The following DLGAP2 variants were observed in gnomAD, a reference collection of about 807,000 sequenced individuals.
DLGAP2 encodes DLG associated protein 2, also known as disks large-associated protein 2.
A neutral mutation model predicts 100.3 loss-of-function variants in DLGAP2; 26 were observed. That is an observed-to-expected ratio of 0.26 (90% confidence interval 0.19 to 0.36). DLGAP2 has a LOEUF of 0.36. Among genes scored for constraint, DLGAP2 ranks in the 10% least tolerant of loss-of-function variants. DLGAP2 has a pLI of 1.00. For missense variants in DLGAP2, 1,858 were observed against 1,453.2 expected (o/e 1.28, Z -4.53); for synonymous variants, 886 against 630.1 (o/e 1.41, Z -6.08).
intron 3 of DLGAP2, among the ~76,000 whole-genome samples, chr8:1,392,280 G>A (rs1796380177): frequency 6.6e-6 from 1 of 152,120 alleles, no homozygotes; most frequent in Admixed American, 6.5e-5. Context: ...CCAGGTCGAG[G>A]CGCAGTCCAG....
At chr8:1,553,685 A>T (rs575184881) in intron 5 of DLGAP2, among the ~76,000 whole-genome samples, 1 of 152,274 alleles carries the variant, frequency 6.6e-6, no homozygotes, top group African/African-American at 2.4e-5. Flanking sequence ...CGGTCCCATC[A>T]CTGAGTACTG....
chr8:1,099,485 G>C (rs1804508265), intron 2 of DLGAP2, among the ~76,000 whole-genome samples: 1 of 152,232 alleles, frequency 6.6e-6, no homozygotes, highest in African/African-American at 2.4e-5. Context: ...GCCGACCTCA[G>C]CCCTCAGGGA....
At chr8:1,465,693 C>T (rs1380309785) in intron 3 of DLGAP2, among the ~76,000 whole-genome samples, 1 of 152,222 alleles carries the variant, frequency 6.6e-6, no homozygotes, top group Non-Finnish European at 1.5e-5. Context: ...GAGGCTCAGA[C>T]AGCCGTGTGG....
rs115905068 is a variant in DLGAP2, at chr8:1,075,060, G to A, written c.73+167094G>A. Among the ~76,000 whole-genome samples the A allele has an allele frequency of 3.6e-3, 552 of 152,192 alleles. 7 individuals carry two copies. Among genetic ancestry groups the A allele is most frequent in the African/African-American group, 0.012 (488 of 41,518 alleles). On this transcript the variant is annotated intron_variant, in intron 2 of 14. Coordinates refer to ENST00000637795, the MANE Select transcript of DLGAP2 (RefSeq NM_001346810.2). Reference sequence around the variant, plus strand: ...ACATCTCACAACAGTGCAGCGGGGGGTGGGGACCACGGTGCCCACTGCACA... The same window carrying A: ...ACATCTCACAACAGTGCAGCGGGGGATGGGGACCACGGTGCCCACTGCACA...
intron 6 of DLGAP2, among the ~76,000 whole-genome samples, chr8:1,603,502 G>T (rs1796695744): frequency 6.7e-6 from 1 of 149,438 alleles, no homozygotes; most frequent in African/African-American, 2.5e-5. Flanking sequence ...ATGGGTCTCA[G>T]TTCCATAGAG....
chr8:999,883 G>A (rs998996282), intron 2 of DLGAP2, among the ~76,000 whole-genome samples: 3 of 152,156 alleles, frequency 2.0e-5, no homozygotes, highest in African/African-American at 7.2e-5. Context: ...GAATTAATGT[G>A]CTTGCTAAGG....
intron 2 of DLGAP2, among the ~76,000 whole-genome samples, chr8:1,198,777 C>G (rs1040517025): frequency 6.6e-6 from 1 of 152,236 alleles, no homozygotes; most frequent in African/African-American, 2.4e-5. Flanking sequence ...CGATGCTTCC[C>G]CTTTCCCTCG....
intron 3 of DLGAP2, among the ~76,000 whole-genome samples, chr8:1,267,870 A>C (rs1201572600): frequency 1.3e-5 from 2 of 151,922 alleles, no homozygotes. Context: ...CATCACACCC[A>C]CCCTAGTCCT....
chr8:876,968 T>A (rs1002539961), intron 1 of DLGAP2, among the ~76,000 whole-genome samples: 1 of 152,022 alleles, frequency 6.6e-6, no homozygotes, highest in Non-Finnish European at 1.5e-5. Flanking sequence ...ACAGCGGAAT[T>A]TCCATATGGT....
At chr8:1,286,442 A>C (rs1799922747) in intron 3 of DLGAP2, among the ~76,000 whole-genome samples, 1 of 152,232 alleles carries the variant, frequency 6.6e-6, no homozygotes, top group South Asian at 2.1e-4. Flanking sequence ...GGTTCAAAGC[A>C]AGCTCTACCA....
chr8:887,004 A>T (rs552530448), intron 1 of DLGAP2, among the ~76,000 whole-genome samples: 14 of 152,286 alleles, frequency 9.2e-5, no homozygotes, highest in Non-Finnish European at 1.5e-4. Context: ...TGGGAGTCTA[A>T]GTCTCCTTGT....
intron 3 of DLGAP2, among the ~76,000 whole-genome samples, chr8:1,286,076 C>T (rs1328728754): frequency 6.6e-6 from 1 of 152,196 alleles, no homozygotes; most frequent in African/African-American, 2.4e-5. Flanking sequence ...TTGTAGTAAT[C>T]GCTGTGTGTC....
chr8:1,607,631 G>A (rs1262784430), intron 6 of DLGAP2, among the ~76,000 whole-genome samples: 2 of 152,246 alleles, frequency 1.3e-5, no homozygotes, highest in Admixed American at 1.3e-4. Flanking sequence ...TGAGGTACCG[G>A]GTTCATCTCA....
intron 3 of DLGAP2, among the ~76,000 whole-genome samples, chr8:1,309,923 C>T (rs775165014): frequency 2.9e-4 from 44 of 152,134 alleles, no homozygotes; most frequent in Admixed American, 1.6e-3. Context: ...GGTGAAAACC[C>T]ATCTTTACTA....
At chr8:1,477,527 G>T (rs1187249589) in intron 3 of DLGAP2, among the ~76,000 whole-genome samples, 2 of 152,166 alleles carry the variant, frequency 1.3e-5, no homozygotes, top group South Asian at 2.1e-4. Context: ...CAGAAACGCA[G>T]CTGCACAGCC....
intron 3 of DLGAP2, among the ~76,000 whole-genome samples, chr8:1,337,393 ATGATGG>A (rs1801305607): frequency 2.2e-3 from 2 of 896 alleles, no homozygotes; most frequent in East Asian, 0.045. Flanking sequence ...GATGGTGAGG[ATGATGG>A]TGATGATGGT....
At chr8:1,259,034 A>C (rs747236553) in intron 3 of DLGAP2, among the ~76,000 whole-genome samples, 151 bp downstream of exon 3, 1 of 152,216 alleles carries the variant, frequency 6.6e-6, no homozygotes, top group Non-Finnish European at 1.5e-5. Flanking sequence ...TGAGTAAAAT[A>C]ATTGAAGCAA....
chr8:1,083,910 A>G (rs1046266996), intron 2 of DLGAP2, among the ~76,000 whole-genome samples: 1 of 152,246 alleles, frequency 6.6e-6, no homozygotes, highest in Non-Finnish European at 1.5e-5. Context: ...TCGTGTTCCT[A>G]GCAAAATGCA....
chr8:1,352,800 GC>G (rs1389612674), intron 3 of DLGAP2, among the ~76,000 whole-genome samples: 1 of 152,066 alleles, frequency 6.6e-6, no homozygotes. Flanking sequence ...CCACTCCCCA[GC>G]CCCTACCCAA....
Sources: gnomAD v4.1 joint callset for allele counts (sites outside exome capture counted in the v4.1 genomes callset) on GRCh38, gnomAD v4.1.1 for gene constraint, MANE v1.5 for transcripts, NCBI Gene and HGNC (gene_info 2026-07-23, HGNC 2026-07-21) for gene names.